The following NCDN variants were observed in gnomAD, a reference collection of about 807,000 sequenced individuals.
NCDN encodes norbin.
Under a neutral mutation model 60.7 loss-of-function variants are expected in NCDN, and 9 were observed. The ratio of observed to expected loss-of-function variants is 0.15; its 90% CI spans 0.09 to 0.26. The LOEUF is 0.26. Ranked by LOEUF, NCDN falls within the 10% of genes least tolerant of loss-of-function variation. NCDN has a pLI of 1.00. For missense variants in NCDN, 578 were observed against 975.2 expected, an observed-to-expected ratio of 0.59 and a Z score of 5.42; for synonymous variants, 409 against 442.5, an observed-to-expected ratio of 0.92 and a Z score of 0.95.
In NCDN at chr1:35,565,912, C is replaced by G. The variant is rs948548401; in HGVS notation, c.*249C>G. 9.9e-6 allele frequency: 5 copies of G among 504,774 alleles called. No homozygotes were observed. The highest frequency in any genetic ancestry group is 9.8e-5 in the African/African-American group (5 of 51,098). The allele number at this position is 504,774 out of a possible 1,614,324, so 31.3% of individuals were successfully genotyped here. A position where few individuals can be genotyped will look rare whatever the true frequency, so the allele number is the denominator to read the frequency against. ...ATCAACGTGGTTGTCCCCGCCAGGC[C>G]GGGGAAGGTTGGAGCAGCCCCCAGG... On this transcript the variant is annotated 3_prime_UTR_variant, in exon 7 of 7. Transcript: ENST00000373243. This position sits in a 1 kb window ranked among gnomAD's most constrained non-coding sequence, Gnocchi z 8.9.
In NCDN at chr1:35,566,724, C is replaced by A; in HGVS notation, c.*1061C>A. ...CTCCCCCAGTGCGTTCTGTGATCGCCAAGTTCAAAGCTGTGCACATGTGGA... is the reference window on the plus strand; with the variant it reads ...CTCCCCCAGTGCGTTCTGTGATCGCAAAGTTCAAAGCTGTGCACATGTGGA... On this transcript the variant is annotated 3_prime_UTR_variant, in exon 7 of 7. Coordinates refer to ENST00000373243, the MANE Select transcript of NCDN (RefSeq NM_014284.3). The surrounding 1 kb of genome is among the most constrained non-coding windows in gnomAD (Gnocchi z 5.3). The A allele has an allele frequency of 2.2e-6, 1 of 462,010 alleles. No homozygotes were observed. 28.6% of individuals were successfully genotyped at this position (462,010 alleles called of 1,614,324 possible). A position where few individuals can be genotyped will look rare whatever the true frequency, so the allele number is the denominator to read the frequency against.
rs1031596319 is a variant in NCDN, at chr1:35,558,463, C to T, written c.33+240C>T. 3 of 1,421,496 alleles carry T rather than the reference C, an allele frequency of 2.1e-6. No individual in the cohort carries two copies. Among genetic ancestry groups the T allele is most frequent in the South Asian group, 1.5e-5 (1 of 66,412 alleles). The allele number at this position is 1,421,496 out of a possible 1,614,324, so 88.1% of individuals were successfully genotyped here. A position where few individuals can be genotyped will look rare whatever the true frequency, so the allele number is the denominator to read the frequency against. On this transcript the variant is annotated intron_variant, in intron 1 of 6. Transcript: ENST00000373243. This position sits in a 1 kb window ranked among gnomAD's most constrained non-coding sequence, Gnocchi z 6.3. ...TGCTGCTGCTGCTGCAGCCTCTACC[C>T]GAGGGAGGGAAAGGAGAGGAGGCAA...
rs890281439 is a variant in NCDN, at chr1:35,558,897, A to C, written c.34-210A>C. ...CGCTTTCTGGAGGTGACCTTGGACC[A>C]GGGTCCCTTCTTTATCCCTAAGGAT... is the stretch of plus-strand genomic sequence containing the variant. On this transcript the variant is annotated intron_variant, in intron 1 of 6. Coordinates refer to ENST00000373243, the MANE Select transcript of NCDN (RefSeq NM_014284.3). The surrounding 1 kb of genome is among the most constrained non-coding windows in gnomAD (Gnocchi z 6.3). 1.3e-5 allele frequency among the ~76,000 whole-genome samples: 2 copies of C among 151,968 alleles called. No individual in the cohort carries two copies. The highest frequency in any genetic ancestry group is 2.9e-5 in the Non-Finnish European group (2 of 67,948).
At position 35,558,041 on chromosome 1, in the gene NCDN, C is replaced by T; in HGVS notation, c.-150C>T. On this transcript the variant is annotated 5_prime_UTR_variant, in exon 1 of 7. Coordinates refer to ENST00000373243, the MANE Select transcript of NCDN (RefSeq NM_014284.3). This position sits in a 1 kb window ranked among gnomAD's most constrained non-coding sequence, Gnocchi z 6.3. ...CTGTCGAGACTCCATTTTGTCACAG[C>T]CCTTTTCAATATATATCTTTTTTTT... 4 of 1,189,048 alleles carry T rather than the reference C, an allele frequency of 3.4e-6. No individual in the cohort carries two copies. Among genetic ancestry groups the T allele is most frequent in the Non-Finnish European group, 3.6e-6 (3 of 843,914 alleles). The allele number at this position is 1,189,048 out of a possible 1,614,324, so 73.7% of individuals were successfully genotyped here.
Position 35,561,410 on chromosome 1 carries a change from C to A in NCDN, c.1143+116C>A. On this transcript the variant is annotated intron_variant, in intron 3 of 6. Transcript: ENST00000373243. This position sits in a 1 kb window ranked among gnomAD's most constrained non-coding sequence, Gnocchi z 4.9. ...CAGCGAAGCTGCATGTCCACACAAG[C>A]TGATACTGTAGCCAGCACTCCAGGG... 1 of 1,397,186 alleles carries A rather than the reference C, an allele frequency of 7.2e-7. No homozygotes were observed. The highest frequency in any genetic ancestry group is 9.5e-7 in the Non-Finnish European group (1 of 1,056,240). 86.5% of individuals were successfully genotyped at this position (1,397,186 alleles called of 1,614,324 possible). A position where few individuals can be genotyped will look rare whatever the true frequency, so the allele number is the denominator to read the frequency against.
At chr1:35,559,299 C>A (rs1209316174) in intron 2 of NCDN, 52 bp downstream of exon 2, 1 of 1,611,104 alleles carries the variant, frequency 6.2e-7, no homozygotes, top group Admixed American at 1.7e-5. Context: ...TGGTTGGGCC[C>A]CCAAGGAATG....
At position 35,566,472 on chromosome 1, in the gene NCDN, A is replaced by C; in HGVS notation, c.*809A>C. The C allele has an allele frequency of 3.5e-6, 1 of 288,508 alleles. No individual in the cohort carries two copies. 17.9% of individuals were successfully genotyped at this position (288,508 alleles called of 1,614,324 possible). A position where few individuals can be genotyped will look rare whatever the true frequency, so the allele number is the denominator to read the frequency against. On this transcript the variant is annotated 3_prime_UTR_variant, in exon 7 of 7. Transcript: ENST00000373243. This position sits in a 1 kb window ranked among gnomAD's most constrained non-coding sequence, Gnocchi z 5.3. Reference sequence around the variant, plus strand: ...TGGCCTGGCTGGAGCCAGGAACAGGAGGGACACTTCCCCAGAATCCGCATG... The same window carrying C: ...TGGCCTGGCTGGAGCCAGGAACAGGCGGGACACTTCCCCAGAATCCGCATG...
Position 35,558,194 on chromosome 1 carries a change from T to A in NCDN, c.4T>A (p.Ser2Thr). The part of the protein sequence containing the change: M[S>T]CCDLAAAGQL... ...CCGCCCTGTCGTGACTTCATCAATG[T>A]CGTGTTGTGACCTGGCTGCGGCGGG... Residue 2 changes from serine to threonine, a missense_variant, in exon 1 of 7, where the codon TCG becomes ACG. By Grantham distance (58) the Ser-to-Thr change is moderately conservative (BLOSUM62 1). Coordinates refer to ENST00000373243, the MANE Select transcript of NCDN (RefSeq NM_014284.3). This position sits in a 1 kb window ranked among gnomAD's most constrained non-coding sequence, Gnocchi z 6.3. 6.2e-7 allele frequency: 1 copy of A among 1,614,094 alleles called. No individual in the cohort carries two copies. The highest frequency in any genetic ancestry group is 1.6e-4 in the Middle Eastern group (1 of 6,062).
Position 35,558,727 on chromosome 1 carries a change from C to T in NCDN, c.34-380C>T, listed in dbSNP as rs945984015. 7.2e-5 allele frequency: 82 copies of T among 1,145,166 alleles called. No individual in the cohort carries two copies. The highest frequency in any genetic ancestry group is 8.5e-5 in the Non-Finnish European group (79 of 924,596). The allele number at this position is 1,145,166 out of a possible 1,614,324, so 70.9% of individuals were successfully genotyped here. A position where few individuals can be genotyped will look rare whatever the true frequency, so the allele number is the denominator to read the frequency against. ...CCCTGTCTGTCCTCACCACTCACTCCCTCTGTGTCCCTGTGGAGGGAGATA... is the reference window on the plus strand; with the variant it reads ...CCCTGTCTGTCCTCACCACTCACTCTCTCTGTGTCCCTGTGGAGGGAGATA... On this transcript the variant is annotated intron_variant, in intron 1 of 6. Coordinates refer to ENST00000373243, the MANE Select transcript of NCDN (RefSeq NM_014284.3). This position sits in a 1 kb window ranked among gnomAD's most constrained non-coding sequence, Gnocchi z 6.3.
rs1027940509 is a variant in NCDN at position 35,562,087 on chromosome 1, G to A, written c.1144-305G>A. ...TAGCCTTGAGACACTCCAGAGGTAG[G>A]GAGTTAGGGAGATGTGACTGGAGCC... On this transcript the variant is annotated intron_variant, in intron 3 of 6. Transcript: ENST00000373243. The surrounding 1 kb of genome is among the most constrained non-coding windows in gnomAD (Gnocchi z 6.8). Among the ~76,000 whole-genome samples the A allele has an allele frequency of 2.0e-5, 3 of 152,126 alleles. No homozygotes were observed. Among genetic ancestry groups the A allele is most frequent in the African/African-American group, 7.2e-5 (3 of 41,410 alleles).
At chr1:35,559,564 G>A (rs184344928) in intron 2 of NCDN, among the ~76,000 whole-genome samples, 4 of 152,156 alleles carry the variant, frequency 2.6e-5, no homozygotes, top group Non-Finnish European at 5.9e-5. Context: ...TGAGGGCTGG[G>A]GATGGTTGTT....
In NCDN at chr1:35,560,650, A is replaced by C; in HGVS notation, c.499A>C (p.Arg167=). Residue 167 remains arginine, a synonymous_variant, in exon 3 of 7, where the codon AGA becomes CGA. Coordinates refer to ENST00000373243, the MANE Select transcript of NCDN (RefSeq NM_014284.3). This position sits in a 1 kb window ranked among gnomAD's most constrained non-coding sequence, Gnocchi z 7.6. ...CCTGACGGCTGTAGCAGGCACACCC[A>C]GAGGGCCTCGGCACCTCATTGCTGG... The part of the protein sequence containing the change: ...QCLTAVAGTP[R]GPRHLIAGGT... 1 of 1,613,496 alleles carries C rather than the reference A, an allele frequency of 6.2e-7. No homozygotes were observed. The highest frequency in any genetic ancestry group is 8.5e-7 in the Non-Finnish European group (1 of 1,180,048).
In NCDN at chr1:35,563,027, C is replaced by T. The variant is rs1648754130; in HGVS notation, c.1386-175C>T. ...CCACAGTCACACTTTGTGGCAGAGC[C>T]CAAGTTTGGTCCTGGGTTGTGCGAC... On this transcript the variant is annotated intron_variant, in intron 4 of 6. Transcript: ENST00000373243. The surrounding 1 kb of genome is among the most constrained non-coding windows in gnomAD (Gnocchi z 6.6). 6.6e-6 allele frequency among the ~76,000 whole-genome samples: 1 copy of T among 152,140 alleles called. No homozygotes were observed. Among genetic ancestry groups the T allele is most frequent in the Admixed American group, 6.5e-5 (1 of 15,276 alleles).
Position 35,561,487 on chromosome 1 carries a change from A to G in NCDN, c.1143+193A>G, listed in dbSNP as rs2074679. On this transcript the variant is annotated intron_variant, in intron 3 of 6. Transcript: ENST00000373243. This position sits in a 1 kb window ranked among gnomAD's most constrained non-coding sequence, Gnocchi z 4.9. ...CTCTCCCTCCCTCCACACAAGCACC[A>G]TACCACACACCATATGTGCACTCAC... 6.6e-6 allele frequency among the ~76,000 whole-genome samples: 1 copy of G among 151,966 alleles called. No homozygotes were observed. Among genetic ancestry groups the G allele is most frequent in the African/African-American group, 2.4e-5 (1 of 41,348 alleles).
At position 35,563,590 on chromosome 1, in the gene NCDN, G is replaced by T. The variant is rs1053223152; in HGVS notation, c.1610+164G>T. Among the ~76,000 whole-genome samples, 4 of 152,132 alleles carry T rather than the reference G, an allele frequency of 2.6e-5. No individual in the cohort carries two copies. The highest frequency in any genetic ancestry group is 9.7e-5 in the African/African-American group (4 of 41,416). On this transcript the variant is annotated intron_variant, in intron 5 of 6. Transcript: ENST00000373243. The surrounding 1 kb of genome is among the most constrained non-coding windows in gnomAD (Gnocchi z 6.6). ...ATAGCCAGCCCCGCACAAGGATTCG[G>T]CATGCTGGAACCCCCAGGTACTGTC...
In NCDN at chr1:35,565,503, A is replaced by G. The variant is rs1648842283; in HGVS notation, c.2030A>G (p.Asn677Ser). Residue 677 changes from asparagine to serine, a missense_variant, in exon 7 of 7, where the codon AAC (asparagine) becomes AGC (serine). By Grantham distance (46) the Asn-to-Ser change is conservative. Around this residue, in one of 3 missense-constraint regions of NCDN, gnomAD observed 191 missense variants for 372.1 expected, o/e 0.51. Coordinates refer to ENST00000373243, the MANE Select transcript of NCDN (RefSeq NM_014284.3). The surrounding 1 kb of genome is among the most constrained non-coding windows in gnomAD (Gnocchi z 8.9). The part of the protein sequence containing the change: ...LLQLLGSVSP[N>S]SVKPEMVAAY... ...CAGCTGCTAGGCAGTGTCAGCCCCA[A>G]CTCTGTCAAGCCCGAGATGGTGGCC... 6.9e-6 allele frequency: 11 copies of G among 1,586,464 alleles called. No homozygotes were observed. Among genetic ancestry groups the G allele is most frequent in the Non-Finnish European group, 9.4e-6 (11 of 1,166,880 alleles).
At position 35,565,790 on chromosome 1, in the gene NCDN, G is replaced by T. The variant is rs1648855177; in HGVS notation, c.*127G>T. 4.5e-6 allele frequency: 5 copies of T among 1,112,436 alleles called. No homozygotes were observed. In the South Asian group the frequency reaches 8.2e-5, roughly 18 times the overall value. The allele number at this position is 1,112,436 out of a possible 1,614,324, so 68.9% of individuals were successfully genotyped here. On this transcript the variant is annotated 3_prime_UTR_variant, in exon 7 of 7. Coordinates refer to ENST00000373243, the MANE Select transcript of NCDN (RefSeq NM_014284.3). This position sits in a 1 kb window ranked among gnomAD's most constrained non-coding sequence, Gnocchi z 8.9. ...CCTCCCCAAAACACCCCAGCTTTCT[G>T]GCTTTTCTGAGGGCAAGGGCATGGT...
At position 35,559,241 on chromosome 1, in the gene NCDN, G is replaced by C. The variant is rs1311317098; in HGVS notation, c.168G>C (p.Leu56=). The change falls in exon 2 of 7, where the codon CTG becomes CTC. Residue 56 remains leucine (L), a synonymous_variant. Transcript: ENST00000373243. ...ATGACAGCGAGCAGTTTGCAGCCCTGCTGCTAGTAAGGAACTGGCTGAAAA... is the reference window on the plus strand; with the variant it reads ...ATGACAGCGAGCAGTTTGCAGCCCTCCTGCTAGTAAGGAACTGGCTGAAAA... ...AKNDSEQFAA[L]LLVTKAVKAG... 1 of 1,614,172 alleles carries C rather than the reference G, an allele frequency of 6.2e-7. No individual in the cohort carries two copies. The highest frequency in any genetic ancestry group is 8.5e-7 in the Non-Finnish European group (1 of 1,180,012).
In NCDN at chr1:35,558,183, C is replaced by A. The variant is rs987575886; in HGVS notation, c.-8C>A. 2 of 1,613,980 alleles carry A rather than the reference C, an allele frequency of 1.2e-6. No homozygotes were observed. Among genetic ancestry groups the A allele is most frequent in the African/African-American group, 2.7e-5 (2 of 74,910 alleles). On this transcript the variant is annotated 5_prime_UTR_variant, in exon 1 of 7. Transcript: ENST00000373243. The surrounding 1 kb of genome is among the most constrained non-coding windows in gnomAD (Gnocchi z 6.3). ...TGATCTCATCGCCGCCCTGTCGTGACTTCATCAATGTCGTGTTGTGACCTG... is the reference window on the plus strand; with the variant it reads ...TGATCTCATCGCCGCCCTGTCGTGAATTCATCAATGTCGTGTTGTGACCTG...
Sources: gnomAD v4.1 joint callset for allele counts (sites outside exome capture counted in the v4.1 genomes callset) on GRCh38, gnomAD v4.1.1 for gene constraint, gnomAD v4.1.1 regional missense constraint, Gnocchi (gnomAD v3.1) non-coding constraint, MANE v1.5 for transcripts, NCBI Gene and HGNC (gene_info 2026-07-23, HGNC 2026-07-21) for gene names.